The following CDH23 variants were observed in gnomAD, a reference collection of about 807,000 sequenced individuals.
CDH23 encodes the protein cadherin-23.
In CDH23, 189 loss-of-function variants were observed where a neutral mutation model predicts 317.1. That is an observed-to-expected ratio of 0.60 (90% CI 0.53 to 0.67). The LOEUF (loss-of-function observed/expected upper bound fraction) is 0.67. Ranked by LOEUF, CDH23 falls within the 30% of genes least tolerant of loss-of-function variation. The pLI is 0.00. For missense variants in CDH23, 4,401 were observed against 4,592.4 expected (o/e 0.96, Z 1.20); for synonymous variants, 1,839 against 1,876.8 (o/e 0.98, Z 0.52).
intron 6 of CDH23, among the ~76,000 whole-genome samples, chr10:71,543,786 C>A (rs1856118766): frequency 6.6e-6 from 1 of 152,226 alleles, no homozygotes; most frequent in African/African-American, 2.4e-5. Flanking sequence ...CACCCCACCC[C>A]ATGTGGGGAT....
chr10:71,458,341 A>T (rs1174309296), intron 3 of CDH23, among the ~76,000 whole-genome samples: 3 of 152,326 alleles, frequency 2.0e-5, no homozygotes, highest in Admixed American at 2.0e-4. Context: ...TCCTTTCCAC[A>T]TCTGAGCACA....
Position 71,730,507 on chromosome 10 carries a change from C to T in CDH23, c.3618C>T (p.Pro1206=), listed in dbSNP as rs547970498. ...VYVEDINDEA[P]VFTQQQYSRL... ...TGGAGGACATCAACGATGAGGCCCC[C>T]GTGTTCACACAGCAGCAGTACAGCC... The change falls in exon 31 of 70, where the codon CCC becomes CCT. Residue 1206 remains proline, a synonymous_variant. Coordinates refer to ENST00000224721, the MANE Select transcript of CDH23 (RefSeq NM_022124.6). The T allele has an allele frequency of 1.3e-5, 21 of 1,613,936 alleles. No homozygotes were observed. Among genetic ancestry groups the T allele is most frequent in the African/African-American group, 1.1e-4 (8 of 75,054 alleles).
At chr10:71,788,727 T>G (rs1365560524) in intron 44 of CDH23, among the ~76,000 whole-genome samples, 1 of 152,230 alleles carries the variant, frequency 6.6e-6, no homozygotes, top group East Asian at 1.9e-4. Context: ...AGTGCTGGGA[T>G]TACAGGCATG....
At chr10:71,734,406 C>A in intron 33 of CDH23, 65 bp downstream of exon 33, 1 of 1,518,042 alleles carries the variant, frequency 6.6e-7, no homozygotes, top group Non-Finnish European at 9.0e-7. Context: ...ACTTCCTAAC[C>A]CATGTCCTCG....
intron 30 of CDH23, among the ~76,000 whole-genome samples, chr10:71,727,135 T>C (rs74861291): frequency 0.031 from 4,781 of 152,306 alleles, 125 homozygotes; most frequent in East Asian, 0.097. Flanking sequence ...GTAACCCTCA[T>C]AATAGCCTTA....
intron 28 of CDH23, chr10:71,716,268 C>G: frequency 6.5e-7 from 1 of 1,538,674 alleles, no homozygotes; most frequent in Non-Finnish European, 8.8e-7. Context: ...CCGGGAGTGA[C>G]GGGAGCTGAG....
Position 71,785,063 on chromosome 10 carries a change from C to T in CDH23, c.5675C>T (p.Ala1892Val), listed in dbSNP as rs370004432. The change falls in exon 43 of 70, where the codon GCG becomes GTG. Residue 1892 changes from alanine (A) to valine (V), a missense_variant. Physicochemically the swap from Ala to Val is moderately conservative, Grantham distance 64. Coordinates refer to ENST00000224721, the MANE Select transcript of CDH23 (RefSeq NM_022124.6). Reference sequence around the variant, plus strand: ...GCACGCCTCACCTTCAACATCACTGCGGGCAACCGCGAGCGGGCCTTCTTC... The same window carrying T: ...GCACGCCTCACCTTCAACATCACTGTGGGCAACCGCGAGCGGGCCTTCTTC... ...CNARLTFNIT[A>V]GNRERAFFIN... 31 of 1,614,062 alleles carry T rather than the reference C, an allele frequency of 1.9e-5. No individual in the cohort carries two copies. The highest frequency in any genetic ancestry group is 9.3e-5 in the African/African-American group (7 of 75,080).
intron 22 of CDH23, 77 bp from the exon 23 acceptor site, chr10:71,701,945 C>T: frequency 6.7e-7 from 1 of 1,495,738 alleles, no homozygotes; most frequent in Non-Finnish European, 9.1e-7. Context: ...AACGTCTGAG[C>T]TCAGATACTC....
At chr10:71,635,031 T>C (rs1263352923) in intron 11 of CDH23, among the ~76,000 whole-genome samples, 4 of 152,196 alleles carry the variant, frequency 2.6e-5, no homozygotes, top group Admixed American at 6.5e-5. Context: ...TGACATGGGC[T>C]TGGCTGGGTC....
At position 71,814,995 on chromosome 10, in the gene CDH23, C is replaced by T. The variant is rs1398458600; in HGVS notation, c.9782C>T (p.Pro3261Leu). The change falls in exon 70 of 70, where the codon CCA becomes CTA. Residue 3261 changes from proline (P) to leucine (L), a missense_variant. Transcript: ENST00000224721. ...ELDEEPGDHS[P>L]GQGSLRFRHK... ...GACGAGGAGCCAGGAGACCACAGCCCAGGGCAGGGTAGCCTGCGCTTCCGC... is the reference window on the plus strand; with the variant it reads ...GACGAGGAGCCAGGAGACCACAGCCTAGGGCAGGGTAGCCTGCGCTTCCGC... 1.6e-5 allele frequency: 26 copies of T among 1,612,608 alleles called. No homozygotes were observed. The highest frequency in any genetic ancestry group is 2.1e-5 in the Non-Finnish European group (25 of 1,179,748).
chr10:71,619,205 T>C (rs1344566644), intron 11 of CDH23, among the ~76,000 whole-genome samples: 1 of 151,832 alleles, frequency 6.6e-6, no homozygotes, highest in East Asian at 1.9e-4. Flanking sequence ...CATGATGGTG[T>C]GCACCTGTAA....
At chr10:71,576,586 T>C (rs568648591) in intron 8 of CDH23, among the ~76,000 whole-genome samples, 1 of 152,130 alleles carries the variant, frequency 6.6e-6, no homozygotes, top group South Asian at 2.1e-4. Context: ...AGCCCTTCAT[T>C]AGCCATGCAG....
chr10:71,570,657 GGT>G (rs1018377185), intron 7 of CDH23, 131 bp from the exon 8 acceptor site: 39 of 942,754 alleles, frequency 4.1e-5, no homozygotes, highest in Middle Eastern at 3.0e-4. Context: ...CAAGAGCATG[GGT>G]GTGTGTGTGC....
At chr10:71,538,615 A>G (rs1443924472) in intron 6 of CDH23, among the ~76,000 whole-genome samples, 2 of 152,132 alleles carry the variant, frequency 1.3e-5, no homozygotes, top group East Asian at 1.9e-4. Flanking sequence ...GTGCATCAAG[A>G]CTGTCTGATG....
intron 38 of CDH23, among the ~76,000 whole-genome samples, chr10:71,765,556 G>A (rs1840517138): frequency 6.6e-6 from 1 of 152,202 alleles, no homozygotes; most frequent in Admixed American, 6.5e-5. Context: ...CTAAGCAATG[G>A]GGTTAATGAC....
rs556318471 is a variant in CDH23, at chr10:71,681,533, C to T, written c.1859-912C>T. 6.0e-4 allele frequency among the ~76,000 whole-genome samples: 92 copies of T among 152,306 alleles called. 1 individual carries two copies. The highest frequency in any genetic ancestry group is 2.0e-3 in the African/African-American group (84 of 41,570). On this transcript the variant is annotated intron_variant, in intron 17 of 69. Transcript: ENST00000224721. ...AGAGTTCTGTTGAAGGTAAGGTCTG[C>T]AGCACCTAACCCCGAGTACCTCCCC...
At chr10:71,724,128 G>C (rs1238296415) in intron 29 of CDH23, 23 bp downstream of exon 29, 8 of 1,552,490 alleles carry the variant, frequency 5.2e-6, no homozygotes, top group African/African-American at 1.4e-5. Context: ...GCCCTAGGAT[G>C]GGGGGCGGTC....
intron 9 of CDH23, among the ~76,000 whole-genome samples, chr10:71,584,216 G>T (rs534720665): frequency 3.3e-5 from 5 of 152,128 alleles, no homozygotes; most frequent in African/African-American, 1.2e-4. Flanking sequence ...ATTTCATGTC[G>T]GGGGAGGAAA....
intron 3 of CDH23, among the ~76,000 whole-genome samples, chr10:71,460,959 C>T (rs553534243): frequency 1.6e-4 from 24 of 152,358 alleles, no homozygotes; most frequent in Admixed American, 4.6e-4. Context: ...AGGGACACCA[C>T]CTCTGCATAT....
Sources: gnomAD v4.1 joint callset for allele counts (sites outside exome capture counted in the v4.1 genomes callset) on GRCh38, gnomAD v4.1.1 for gene constraint, MANE v1.5 for transcripts, NCBI Gene and HGNC (gene_info 2026-07-23, HGNC 2026-07-21) for gene names.